The following KIAA1217 variants were observed in gnomAD, a reference collection of about 807,000 sequenced individuals.
KIAA1217 encodes the protein sickle tail protein homolog.
A neutral mutation model predicts 163.9 loss-of-function variants in KIAA1217; 88 were observed. The observed-to-expected ratio is 0.54, with a 90% CI of 0.45 to 0.64. KIAA1217 has a LOEUF of 0.64. Among genes scored for constraint, KIAA1217 ranks in the 30% least tolerant of loss-of-function variants. The probability of loss-of-function intolerance (pLI) is 0.00; values close to 1 mark genes in which losing one functional copy is unlikely to be tolerated. For synonymous variants in KIAA1217, 903 were observed against 923.1 expected (o/e 0.98, Z 0.39); for missense variants, 2,372 against 2,475.0 (o/e 0.96, Z 0.88).
chr10:23,886,453 T>C (rs923691661), intron 1 of KIAA1217, among the ~76,000 whole-genome samples: 1 of 151,948 alleles, frequency 6.6e-6, no homozygotes, highest in East Asian at 1.9e-4. Context: ...GGAAAAGTGA[T>C]TGCAGAAATA....
At chr10:24,052,661 C>G (rs1849598149) in intron 2 of KIAA1217, among the ~76,000 whole-genome samples, 1 of 152,068 alleles carries the variant, frequency 6.6e-6, no homozygotes, top group Non-Finnish European at 1.5e-5. Flanking sequence ...ATATTACATT[C>G]ATTTAAGCAA....
intron 14 of KIAA1217, among the ~76,000 whole-genome samples, chr10:24,529,469 T>G (rs912816011): frequency 6.6e-5 from 10 of 152,262 alleles, no homozygotes; most frequent in Non-Finnish European, 1.0e-4. Context: ...CAAGTTTTAT[T>G]TTTTGGAATG....
chr10:24,483,687 C>G (rs182725765), intron 6 of KIAA1217, among the ~76,000 whole-genome samples: 5 of 152,302 alleles, frequency 3.3e-5, no homozygotes, highest in African/African-American at 9.6e-5. Flanking sequence ...GACACCGTCT[C>G]TCATTTGAAG....
chr10:23,995,108 CAG>C, intron 1 of KIAA1217, among the ~76,000 whole-genome samples: 1 of 152,164 alleles, frequency 6.6e-6, no homozygotes, highest in African/African-American at 2.4e-5. Flanking sequence ...GATTCACACT[CAG>C]ATTCATTTTT....
intron 1 of KIAA1217, among the ~76,000 whole-genome samples, chr10:23,804,600 C>A (rs1836648169): frequency 6.6e-6 from 1 of 152,156 alleles, no homozygotes; most frequent in African/African-American, 2.4e-5. Context: ...CTTCTGCAGT[C>A]TAGACTTTTG....
intron 2 of KIAA1217, among the ~76,000 whole-genome samples, chr10:24,046,480 T>C (rs141717655): frequency 1.1e-4 from 17 of 152,298 alleles, no homozygotes; most frequent in South Asian, 4.1e-4. Context: ...CAGTTCTGCA[T>C]GGCTGAGGAG....
At chr10:24,322,407 C>G (rs957077056) in intron 2 of KIAA1217, among the ~76,000 whole-genome samples, 3 of 152,090 alleles carry the variant, frequency 2.0e-5, no homozygotes, top group Non-Finnish European at 4.4e-5. Flanking sequence ...GTGGTGTAAC[C>G]AATGTGTCAG....
chr10:23,908,014 A>T (rs372779753), intron 1 of KIAA1217, among the ~76,000 whole-genome samples: 39 of 152,250 alleles, frequency 2.6e-4, no homozygotes, highest in East Asian at 1.6e-3. Flanking sequence ...CATATTGGGT[A>T]ATCAGATAAT....
At chr10:24,043,100 T>A (rs1348546433) in intron 2 of KIAA1217, among the ~76,000 whole-genome samples, 1 of 152,176 alleles carries the variant, frequency 6.6e-6, no homozygotes, top group African/African-American at 2.4e-5. Flanking sequence ...AGAAATGTAG[T>A]AACTTAAGCT....
chr10:23,814,545 C>G (rs1307443547), intron 1 of KIAA1217, among the ~76,000 whole-genome samples: 1 of 152,162 alleles, frequency 6.6e-6, no homozygotes, highest in Non-Finnish European at 1.5e-5. Flanking sequence ...AAGCACTCAA[C>G]ATAAGTATTA....
chr10:24,056,522 A>G (rs543914931), intron 2 of KIAA1217, among the ~76,000 whole-genome samples: 52 of 150,268 alleles, frequency 3.5e-4, no homozygotes, highest in African/African-American at 1.2e-3. Context: ...ATACGACAGG[A>G]AAAAAAAAAT....
At chr10:23,725,576 T>C (rs529166393) in intron 1 of KIAA1217, among the ~76,000 whole-genome samples, 1 of 152,294 alleles carries the variant, frequency 6.6e-6, no homozygotes, top group Admixed American at 6.5e-5. Context: ...AATTAAATAT[T>C]ACACAGAAAA....
intron 1 of KIAA1217, among the ~76,000 whole-genome samples, chr10:24,216,659 T>A (rs149388964): frequency 4.0e-5 from 6 of 151,648 alleles, no homozygotes; most frequent in African/African-American, 1.5e-4. Context: ...AAACCCCATC[T>A]CTATTAGAAA....
chr10:24,302,116 G>T (rs377608035), intron 2 of KIAA1217, among the ~76,000 whole-genome samples: 2 of 152,174 alleles, frequency 1.3e-5, no homozygotes, highest in African/African-American at 4.8e-5. Flanking sequence ...TACAGGGATG[G>T]TCCAGTGGTG....
chr10:23,731,711 A>G (rs559745550), intron 1 of KIAA1217, among the ~76,000 whole-genome samples: 157 of 151,130 alleles, frequency 1.0e-3, no homozygotes, highest in African/African-American at 3.6e-3. Context: ...GTTTCTCACC[A>G]TTAAGTATAA....
At chr10:23,964,871 A>T (rs1246420134) in intron 1 of KIAA1217, among the ~76,000 whole-genome samples, 1 of 152,102 alleles carries the variant, frequency 6.6e-6, no homozygotes, top group African/African-American at 2.4e-5. Flanking sequence ...TGAATTCTTA[A>T]TCCAGTGCCT....
At chr10:24,085,204 C>T (rs1199203767) in intron 2 of KIAA1217, among the ~76,000 whole-genome samples, 1 of 152,246 alleles carries the variant, frequency 6.6e-6, no homozygotes, top group Admixed American at 6.5e-5. Flanking sequence ...TGAGCCACCG[C>T]GCCCGGCCCA....
At chr10:23,833,906 G>A (rs1422701704) in intron 1 of KIAA1217, among the ~76,000 whole-genome samples, 1 of 151,704 alleles carries the variant, frequency 6.6e-6, no homozygotes, top group Non-Finnish European at 1.5e-5. Context: ...TGCTTTTCTT[G>A]TTTTATTGCC....
At chr10:24,038,722 G>C (rs1055858835) in intron 2 of KIAA1217, among the ~76,000 whole-genome samples, 25 of 151,120 alleles carry the variant, frequency 1.7e-4, no homozygotes, top group African/African-American at 5.8e-4. Context: ...AAAGCCCACT[G>C]GGCATGACAA....
Sources: gnomAD v4.1 joint callset for allele counts (sites outside exome capture counted in the v4.1 genomes callset) on GRCh38, gnomAD v4.1.1 for gene constraint, MANE v1.5 for transcripts, NCBI Gene and HGNC (gene_info 2026-07-23, HGNC 2026-07-21) for gene names.